Variants in KDSR observed in about 807,000 individuals in gnomAD.
The protein encoded by KDSR is 3-dehydrosphinganine reductase.
KDSR carries 23 observed loss-of-function variants against 41.3 expected under a neutral mutation model. The observed-to-expected ratio is 0.56, with a 90% CI of 0.40 to 0.79. The LOEUF is 0.79. KDSR is among the 30% of genes least tolerant of loss of function. The probability of loss-of-function intolerance (pLI) is 0.00; values close to 1 mark genes in which losing one functional copy is unlikely to be tolerated. For missense variants in KDSR, 351 were observed against 416.8 expected (o/e 0.84, Z 1.37); for synonymous variants, 138 against 151.7 (o/e 0.91, Z 0.66).
chr18:63,367,087 G>C lies in KDSR; in HGVS notation c.32C>G (p.Ala11Gly). 7.5e-7 allele frequency: 1 copy of C among 1,337,210 alleles called. No homozygotes were observed. The highest frequency in any genetic ancestry group is 9.6e-7 in the Non-Finnish European group (1 of 1,039,586). 82.8% of individuals were successfully genotyped at this position (1,337,210 alleles called of 1,614,324 possible). A position where few individuals can be genotyped will look rare whatever the true frequency, so the allele number is the denominator to read the frequency against. The change falls in exon 1 of 10, where the codon GCC becomes GGC. Residue 11 changes from alanine (A) to glycine (G), a missense_variant. Transcript: ENST00000645214. The stretch of plus-strand genomic sequence containing the variant: ...CACCATGTACAGCAGCAGCACGAAG[G>C]CCACGAGGAAGGCGGCAGCCAGCAG... Reference protein sequence around the residue: MLLLAAAFLVAFVLLLYMVSP... With the variant: MLLLAAAFLVGFVLLLYMVSP...
chr18:63,363,199 CTTATT>C (rs1476662985), intron 1 of KDSR, among the ~76,000 whole-genome samples: 2 of 145,540 alleles, frequency 1.4e-5, no homozygotes, highest in Non-Finnish European at 3.0e-5. Context: ...CCAAATGAAT[CTTATT>C]TTCTTTTTTT....
chr18:63,342,956 G>A (rs769696243), intron 7 of KDSR, among the ~76,000 whole-genome samples: 6 of 152,088 alleles, frequency 3.9e-5, no homozygotes, highest in Admixed American at 1.3e-4. Flanking sequence ...CACGAGATCT[G>A]GTTGTTTAAA....
intron 3 of KDSR, 108 bp from the exon 4 acceptor site, chr18:63,355,671 TTGAA>T: frequency 7.3e-7 from 1 of 1,370,030 alleles, no homozygotes; most frequent in Non-Finnish European, 9.5e-7. Flanking sequence ...GAAGCCAATA[TTGAA>T]TGAACAGATT....
chr18:63,365,444 C>T (rs184869814), intron 1 of KDSR, among the ~76,000 whole-genome samples: 41 of 152,346 alleles, frequency 2.7e-4, no homozygotes, highest in Non-Finnish European at 5.9e-5. Context: ...CAGATGGTGA[C>T]ACCATGTGAA....
In KDSR at chr18:63,327,769, T is replaced by C; in HGVS notation, c.*4013A>G. On this transcript the variant is annotated 3_prime_UTR_variant, in exon 10 of 10. Coordinates refer to ENST00000645214, the MANE Select transcript of KDSR (RefSeq NM_002035.4). ...TTGTTCCCCATTTATTTTTTTGTTG[T>C]GATTCAGAAATACAAGGTATGAAAA... 5.4e-6 allele frequency: 1 copy of C among 184,224 alleles called. No homozygotes were observed. The highest frequency in any genetic ancestry group is 1.2e-5 in the Non-Finnish European group (1 of 86,732). The allele number at this position is 184,224 out of a possible 1,614,324, so 11.4% of individuals were successfully genotyped here.
chr18:63,328,135 A>G lies in KDSR; in HGVS notation c.*3647T>C, dbSNP rs1913861981. On this transcript the variant is annotated 3_prime_UTR_variant, in exon 10 of 10. Transcript: ENST00000645214. Reference sequence around the variant, plus strand: ...AAAAGTGGCCTCAAGTGAGTAATACATGTTTAAATTAGAACCTGATGTAAT... The same window carrying G: ...AAAAGTGGCCTCAAGTGAGTAATACGTGTTTAAATTAGAACCTGATGTAAT... 2 of 186,792 alleles carry G rather than the reference A, an allele frequency of 1.1e-5. No homozygotes were observed. The highest frequency in any genetic ancestry group is 2.3e-5 in the Non-Finnish European group (2 of 88,604). The allele number at this position is 186,792 out of a possible 1,614,324, so 11.6% of individuals were successfully genotyped here.
chr18:63,351,508 T>C (rs1010718784), intron 5 of KDSR, among the ~76,000 whole-genome samples: 2 of 152,230 alleles, frequency 1.3e-5, no homozygotes, highest in African/African-American at 4.8e-5. Context: ...ATTTAAAGTT[T>C]TGGTTTCAAG....
chr18:63,363,666 T>C (rs1046492565), intron 1 of KDSR, among the ~76,000 whole-genome samples: 5 of 152,176 alleles, frequency 3.3e-5, no homozygotes, highest in South Asian at 2.1e-4. Context: ...TTAATGCACA[T>C]TTATGCAAGA....
At chr18:63,360,562 C>T (rs1160469317) in intron 2 of KDSR, among the ~76,000 whole-genome samples, 1 of 152,108 alleles carries the variant, frequency 6.6e-6, no homozygotes, top group Non-Finnish European at 1.5e-5. Flanking sequence ...TTTGCAAAGA[C>T]TGGAATTAAA....
At position 63,357,571 on chromosome 18, in the gene KDSR, CATAT is replaced by C. The variant is rs1174877359; in HGVS notation, c.256-2012_256-2009del. Among the ~76,000 whole-genome samples the C allele has an allele frequency of 2.7e-4, 35 of 128,514 alleles. 2 individuals are homozygous for C. Among genetic ancestry groups the C allele is most frequent in the Middle Eastern group, 4.0e-3 (1 of 252 alleles). 84.3% of individuals were successfully genotyped at this position (128,514 alleles called of 152,430 possible). On this transcript the variant is annotated intron_variant, in intron 3 of 9. Transcript: ENST00000645214. ...ATATATATACATACATACATACATA[CATAT>C]ATATATATATATATATATATTTTTT...
At chr18:63,338,444 T>C (rs1158343436) in intron 8 of KDSR, among the ~76,000 whole-genome samples, 1 of 152,208 alleles carries the variant, frequency 6.6e-6, no homozygotes, top group Non-Finnish European at 1.5e-5. Flanking sequence ...AAAATGATAC[T>C]GGGAAGCAGG....
Position 63,355,500 on chromosome 18 carries a change from G to A in KDSR, c.319C>T (p.Gln107Ter). 1 of 1,612,694 alleles carries A rather than the reference G, an allele frequency of 6.2e-7. No homozygotes were observed. The highest frequency in any genetic ancestry group is 8.5e-7 in the Non-Finnish European group (1 of 1,179,728). ...TTCCAATTAGCCCAACCTCTTACTT[G>A]TTTTATGACATTCTCTACTTGGTTA... is the stretch of plus-strand genomic sequence containing the variant. The part of the protein sequence containing the change: ...DYNQVENVIK[Q>*]AQEKLGPVDM... The change falls in exon 4 of 10, where the codon CAA becomes TAA. Residue 107 changes from glutamine (Q) to a stop codon, truncating the protein, a stop_gained and splice_region_variant. Transcript: ENST00000645214. LOFTEE classifies it high-confidence loss of function.
chr18:63,354,390 G>A (rs1219227365), intron 5 of KDSR, among the ~76,000 whole-genome samples: 13 of 152,212 alleles, frequency 8.5e-5, no homozygotes, highest in African/African-American at 2.9e-4. Context: ...ATTTCAGGCC[G>A]GGCCTGGTGG....
chr18:63,357,323 C>T (rs1327300068), intron 3 of KDSR, among the ~76,000 whole-genome samples: 4 of 152,024 alleles, frequency 2.6e-5, no homozygotes, highest in Non-Finnish European at 5.9e-5. Context: ...CATTCTTGCA[C>T]ACGTGCACAA....
intron 2 of KDSR, among the ~76,000 whole-genome samples, chr18:63,362,490 G>A (rs1373600584): frequency 6.6e-6 from 1 of 152,186 alleles, no homozygotes; most frequent in Non-Finnish European, 1.5e-5. Flanking sequence ...CAATGGCCAG[G>A]TGTGCTCCTT....
chr18:63,358,105 C>T (rs1371962698), intron 3 of KDSR, among the ~76,000 whole-genome samples: 2 of 152,138 alleles, frequency 1.3e-5, no homozygotes, highest in Non-Finnish European at 2.9e-5. Flanking sequence ...GCAGAGGTTG[C>T]AGTGAGCTGA....
chr18:63,334,788 T>C lies in KDSR; in HGVS notation c.879+469A>G, dbSNP rs539030625. Reference sequence around the variant, plus strand: ...ACACTGTGTATCTTGGACAAAATAATACATTCTATAAGCGAAGCAACTGTT... The same window carrying C: ...ACACTGTGTATCTTGGACAAAATAACACATTCTATAAGCGAAGCAACTGTT... On this transcript the variant is annotated intron_variant, in intron 9 of 9. Transcript: ENST00000645214. 2.6e-5 allele frequency among the ~76,000 whole-genome samples: 4 copies of C among 152,320 alleles called. 1 individual carries two copies. Among genetic ancestry groups the C allele is most frequent in the African/African-American group, 9.6e-5 (4 of 41,572 alleles).
intron 2 of KDSR, 33 bp downstream of exon 2, chr18:63,362,746 G>C (rs778897311): frequency 2.1e-6 from 3 of 1,425,010 alleles, no homozygotes; most frequent in Middle Eastern, 3.5e-4. Context: ...AGTCGAAGAA[G>C]CAAGTCAGTA....
chr18:63,362,880 T>C lies in KDSR; in HGVS notation c.109-12A>G, dbSNP rs1915030503. ...GAACCTCCTGTAACCTAAAACAAAATCATAAAATATTCTTAGCACTTGAAA... is the reference window on the plus strand; with the variant it reads ...GAACCTCCTGTAACCTAAAACAAAACCATAAAATATTCTTAGCACTTGAAA... On this transcript the variant is annotated splice_polypyrimidine_tract_variant and intron_variant, in intron 1 of 9. Transcript: ENST00000645214. 5 of 1,585,774 alleles carry C rather than the reference T, an allele frequency of 3.2e-6. No homozygotes were observed. Among genetic ancestry groups the C allele is most frequent in the South Asian group, 1.1e-5 (1 of 89,870 alleles).
Sources: gnomAD v4.1 joint callset for allele counts (sites outside exome capture counted in the v4.1 genomes callset) on GRCh38, gnomAD v4.1.1 for gene constraint, MANE v1.5 for transcripts, NCBI Gene and HGNC (gene_info 2026-07-23, HGNC 2026-07-21) for gene names.